The following GPD2 variants were observed in gnomAD, a reference collection of about 807,000 sequenced individuals.
GPD2 encodes glycerol-3-phosphate dehydrogenase 2.
A neutral mutation model predicts 82.4 loss-of-function variants in GPD2; 54 were observed. That is an observed-to-expected ratio of 0.66 (90% CI 0.53 to 0.82). The LOEUF (loss-of-function observed/expected upper bound fraction) is 0.82. Among genes scored for constraint, GPD2 ranks in the 40% least tolerant of loss-of-function variants. GPD2 has a pLI of 0.00. For synonymous variants in GPD2, 288 were observed against 306.1 expected (o/e 0.94, Z 0.62); for missense variants, 748 against 896.2 (o/e 0.83, Z 2.11).
intron 6 of GPD2, among the ~76,000 whole-genome samples, chr2:156,541,820 G>GTTTTT (rs1397587048): frequency 6.8e-4 from 23 of 33,682 alleles, no homozygotes; most frequent in East Asian, 3.0e-3. Flanking sequence ...ATAAAATGCT[G>GTTTTT]TTTGTTTTTT....
chr2:156,439,540 C>CAAA (rs869250333), intron 1 of GPD2, among the ~76,000 whole-genome samples: 8 of 71,324 alleles, frequency 1.1e-4, no homozygotes, highest in African/African-American at 3.1e-4. Context: ...AAAAAAAAAA[C>CAAA]AAAAAAAAAA....
intron 9 of GPD2, among the ~76,000 whole-genome samples, chr2:156,558,760 G>A (rs538691520): frequency 2.3e-4 from 21 of 93,290 alleles, no homozygotes; most frequent in African/African-American, 7.2e-4. Context: ...ACCACGCCCA[G>A]CTAACTTTTT....
At chr2:156,529,156 T>A (rs901162310) in intron 6 of GPD2, among the ~76,000 whole-genome samples, 1 of 149,562 alleles carries the variant, frequency 6.7e-6, no homozygotes, top group Non-Finnish European at 1.5e-5. Context: ...GGTATCTCAT[T>A]GTGGTTTTGA....
At chr2:156,433,649 G>T (rs567782182), upstream of GPD2, among the ~76,000 whole-genome samples, 2 of 152,204 alleles carry the variant, frequency 1.3e-5, no homozygotes, top group East Asian at 3.9e-4. Context: ...CCCTTGTCTT[G>T]ATCAATCGAC....
chr2:156,439,533 A>AAAAAC (rs1558898817), intron 1 of GPD2, among the ~76,000 whole-genome samples: 10 of 114,908 alleles, frequency 8.7e-5, no homozygotes, highest in Non-Finnish European at 1.8e-4. Flanking sequence ...AAAAAAAAAA[A>AAAAAC]AAAAAACAAA....
rs564856532 is a variant in GPD2, at chr2:156,575,510, C to T, written c.1768-3379C>T. 6.8e-5 allele frequency among the ~76,000 whole-genome samples: 10 copies of T among 147,916 alleles called. No individual in the cohort carries two copies. In the East Asian group the frequency reaches 1.8e-3, roughly 27 times the overall value. ...CTCAAATTCCCAGGCTTAGGTGATT[C>T]TCCCACCTCAGCCTCCCAAGTAGCT... On this transcript the variant is annotated intron_variant, in intron 13 of 16. Transcript: ENST00000438166.
the GPD2 span, among the ~76,000 whole-genome samples, chr2:156,416,601 A>T: frequency 6.6e-6 from 1 of 150,456 alleles, no homozygotes; most frequent in Admixed American, 6.6e-5. Flanking sequence ...GGGCTCAAGC[A>T]ATGCTCCCAC....
chr2:156,548,757 C>G (rs1171612252), intron 6 of GPD2, among the ~76,000 whole-genome samples: 1 of 152,020 alleles, frequency 6.6e-6, no homozygotes, highest in Non-Finnish European at 1.5e-5. Context: ...GAATTTGAAC[C>G]CTGCTTCAAT....
At chr2:156,452,238 C>G (rs918754652) in intron 1 of GPD2, among the ~76,000 whole-genome samples, 1 of 152,362 alleles carries the variant, frequency 6.6e-6, no homozygotes, top group South Asian at 2.1e-4. Flanking sequence ...GCCGAGATCA[C>G]GCCACCTCAC....
chr2:156,404,812 C>T, the GPD2 span, among the ~76,000 whole-genome samples: 1 of 150,692 alleles, frequency 6.6e-6, no homozygotes. Context: ...CAAGATTGTG[C>T]CATTGCACTC....
chr2:156,548,209 C>A (rs561315141), intron 6 of GPD2, among the ~76,000 whole-genome samples: 1 of 152,244 alleles, frequency 6.6e-6, no homozygotes, highest in East Asian at 1.9e-4. Flanking sequence ...AAGCAAGGAA[C>A]CCTACATTAA....
intron 5 of GPD2, 149 bp from the exon 6 acceptor site, chr2:156,513,184 C>G: frequency 1.4e-6 from 1 of 709,160 alleles, no homozygotes; most frequent in Non-Finnish European, 2.6e-6. Flanking sequence ...AGGTTGGTGT[C>G]AAAAACAGTT....
chr2:156,438,915 G>T (rs145747973), intron 1 of GPD2, among the ~76,000 whole-genome samples: 10 of 152,224 alleles, frequency 6.6e-5, no homozygotes, highest in African/African-American at 2.4e-4. Context: ...GTGGTAGGAT[G>T]TTGGCCAGAA....
chr2:156,448,365 C>T (rs1434588888), intron 1 of GPD2, among the ~76,000 whole-genome samples: 1 of 152,202 alleles, frequency 6.6e-6, no homozygotes, highest in African/African-American at 2.4e-5. Context: ...CCTTGGCCTC[C>T]CAAAGTGCTG....
chr2:156,542,499 T>C (rs1686359029), intron 6 of GPD2, among the ~76,000 whole-genome samples: 1 of 152,194 alleles, frequency 6.6e-6, no homozygotes, highest in Admixed American at 6.5e-5. Flanking sequence ...GAATACATTT[T>C]CTGCCAAAAT....
intron 1 of GPD2, among the ~76,000 whole-genome samples, chr2:156,455,695 T>C (rs565882899): frequency 2.6e-5 from 4 of 152,354 alleles, no homozygotes; most frequent in African/African-American, 9.6e-5. Context: ...TGATGCTTCC[T>C]GCCTTCTCTT....
Position 156,550,841 on chromosome 2 carries a change from C to T in GPD2, c.971+95C>T, listed in dbSNP as rs571055514. 3.5e-5 allele frequency: 34 copies of T among 985,208 alleles called. No individual in the cohort carries two copies. In the African/African-American group the frequency reaches 4.1e-4, roughly 12 times the overall value. 61.0% of individuals were successfully genotyped at this position (985,208 alleles called of 1,614,324 possible). Reference sequence around the variant, plus strand: ...TTCTTCTAGCATAGCAATAGATGGTCTAACTTGCTGTTCAAAATCAGGAGA... The same window carrying T: ...TTCTTCTAGCATAGCAATAGATGGTTTAACTTGCTGTTCAAAATCAGGAGA... On this transcript the variant is annotated intron_variant, in intron 8 of 16. Coordinates refer to ENST00000438166, the MANE Select transcript of GPD2 (RefSeq NM_000408.5).
At chr2:156,481,166 T>C (rs533341490) in intron 2 of GPD2, among the ~76,000 whole-genome samples, 8 of 152,212 alleles carry the variant, frequency 5.3e-5, no homozygotes, top group African/African-American at 1.9e-4. Flanking sequence ...TATTTATTCC[T>C]TTATTTTTGT....
chr2:156,577,001 T>C (rs1232652509), intron 13 of GPD2, among the ~76,000 whole-genome samples: 2 of 152,170 alleles, frequency 1.3e-5, no homozygotes, highest in Non-Finnish European at 2.9e-5. Flanking sequence ...ACAGACAAGT[T>C]TTGTATATGA....
Sources: gnomAD v4.1 joint callset for allele counts (sites outside exome capture counted in the v4.1 genomes callset) on GRCh38, gnomAD v4.1.1 for gene constraint, MANE v1.5 for transcripts, NCBI Gene and HGNC (gene_info 2026-07-23, HGNC 2026-07-21) for gene names.